The following TRAF3 variants were observed in gnomAD, a reference collection of about 807,000 sequenced individuals.
TRAF3 encodes the protein TNF receptor-associated factor 3.
TRAF3 carries 13 observed loss-of-function variants against 62.3 expected under a neutral mutation model. The observed-to-expected ratio is 0.21, with a 90% CI of 0.14 to 0.33. The LOEUF is 0.33. Ranked by LOEUF, TRAF3 falls within the 10% of genes least tolerant of loss-of-function variation. The pLI is 1.00. For missense variants in TRAF3, 440 were observed against 741.8 expected (o/e 0.59, Z 4.73); for synonymous variants, 269 against 283.4 (o/e 0.95, Z 0.51).
intron 1 of TRAF3, among the ~76,000 whole-genome samples, chr14:102,829,078 G>A (rs549262692): frequency 2.6e-5 from 4 of 152,296 alleles, no homozygotes; most frequent in South Asian, 2.1e-4. Context: ...GCTGCTCTTC[G>A]TTTATCTTAG....
At chr14:102,880,806 C>T (rs1019666644) in intron 6 of TRAF3, among the ~76,000 whole-genome samples, 18 of 152,174 alleles carry the variant, frequency 1.2e-4, no homozygotes, top group African/African-American at 3.6e-4. Flanking sequence ...GGCTGGGCGC[C>T]GTGGCTTACG....
intron 8 of TRAF3, 71 bp from the exon 9 acceptor site, chr14:102,891,254 C>A: frequency 1.4e-6 from 2 of 1,384,718 alleles, no homozygotes; most frequent in South Asian, 1.2e-5. Context: ...CTTTTAGGGT[C>A]GTATGTTAGC....
At chr14:102,902,049 C>T (rs1182745418) in intron 10 of TRAF3, among the ~76,000 whole-genome samples, 2 of 152,268 alleles carry the variant, frequency 1.3e-5, no homozygotes, top group African/African-American at 2.4e-5. Context: ...AGCCCCTTAA[C>T]ACAGACTGGG....
intron 4 of TRAF3, among the ~76,000 whole-genome samples, chr14:102,872,664 T>G (rs1330146526): frequency 6.6e-6 from 1 of 151,366 alleles, no homozygotes; most frequent in African/African-American, 2.4e-5. Flanking sequence ...AACAATTCTT[T>G]TCTTTTCTTT....
rs898044642 is a variant in TRAF3, at chr14:102,831,236, A to C, written c.-18+764A>C. Among the ~76,000 whole-genome samples, 3 of 152,226 alleles carry C rather than the reference A, an allele frequency of 2.0e-5. No individual in the cohort carries two copies. In the East Asian group the frequency reaches 5.8e-4, roughly 29 times the overall value. On this transcript the variant is annotated intron_variant, in intron 2 of 11. Coordinates refer to ENST00000392745, the MANE Select transcript of TRAF3 (RefSeq NM_145725.3). Reference sequence around the variant, plus strand: ...CTGAGTTAGGTCCTTAAAAGGGTGCAGTTTTTGCCTGGATGTTCTTTTTGG... The same window carrying C: ...CTGAGTTAGGTCCTTAAAAGGGTGCCGTTTTTGCCTGGATGTTCTTTTTGG...
chr14:102,816,244 G>A (rs146846277), intron 1 of TRAF3, among the ~76,000 whole-genome samples: 1 of 151,830 alleles, frequency 6.6e-6, no homozygotes, highest in Non-Finnish European at 1.5e-5. Flanking sequence ...CTGGGACTAC[G>A]AGCACATGCC....
chr14:102,878,964 G>A (rs1393523384), intron 6 of TRAF3, among the ~76,000 whole-genome samples: 3 of 152,050 alleles, frequency 2.0e-5, no homozygotes, highest in African/African-American at 4.8e-5. Context: ...TGAGGTAAAG[G>A]TGACTCCCAG....
At chr14:102,866,320 C>T (rs1053128515) in intron 2 of TRAF3, among the ~76,000 whole-genome samples, 6 of 152,032 alleles carry the variant, frequency 3.9e-5, no homozygotes, top group African/African-American at 9.7e-5. Context: ...ATGTAGATGA[C>T]GGGTTGATGG....
At chr14:102,885,138 C>T (rs993727140) in intron 6 of TRAF3, among the ~76,000 whole-genome samples, 7 of 152,216 alleles carry the variant, frequency 4.6e-5, no homozygotes, top group African/African-American at 1.7e-4. Context: ...AGAGTTGGGC[C>T]TTAGAAACAT....
Position 102,897,420 on chromosome 14 carries a change from C to T in TRAF3, c.960+19C>T, listed in dbSNP as rs773647944. ...TTTACAGGTAAGAATCTTAGGACTA[C>T]GGCCAGATCAAAGGGTGGAGGAGCT... On this transcript the variant is annotated intron_variant, in intron 10 of 11. Coordinates refer to ENST00000392745, the MANE Select transcript of TRAF3 (RefSeq NM_145725.3). The T allele has an allele frequency of 1.0e-4, 161 of 1,612,218 alleles. No individual in the cohort carries two copies. Among genetic ancestry groups the T allele is most frequent in the Non-Finnish European group, 1.3e-4 (150 of 1,179,074 alleles).
rs777091143 is a variant in TRAF3, at chr14:102,886,287, C to A, written c.651+18C>A. ...GGAGCGAGGTAGGGGCGGCCGGGCC[C>A]GGCCGGGAGTCTGTGGAGTCCTCAG... On this transcript the variant is annotated intron_variant, in intron 7 of 11. Coordinates refer to ENST00000392745, the MANE Select transcript of TRAF3 (RefSeq NM_145725.3). The A allele has an allele frequency of 1.3e-6, 2 of 1,594,774 alleles. No individual in the cohort carries two copies. Among genetic ancestry groups the A allele is most frequent in the South Asian group, 1.1e-5 (1 of 90,144 alleles).
intron 2 of TRAF3, among the ~76,000 whole-genome samples, chr14:102,839,901 G>A (rs147579538): frequency 1.2e-4 from 18 of 152,226 alleles, no homozygotes; most frequent in Admixed American, 1.1e-3. Flanking sequence ...GTTTCACATC[G>A]AAGTAATCTC....
At chr14:102,847,351 T>G (rs1429507500) in intron 2 of TRAF3, among the ~76,000 whole-genome samples, 1 of 152,118 alleles carries the variant, frequency 6.6e-6, no homozygotes, top group African/African-American at 2.4e-5. Flanking sequence ...ATTCTTGTAT[T>G]TTTGGTAGAG....
chr14:102,884,873 A>G (rs1044067440), intron 6 of TRAF3, among the ~76,000 whole-genome samples: 2 of 152,122 alleles, frequency 1.3e-5, no homozygotes, highest in African/African-American at 4.8e-5. Context: ...AAAGAATTGC[A>G]GGTCCCACTC....
chr14:102,820,634 TTTTTTTTTTTTG>T (rs1292355531), intron 1 of TRAF3, among the ~76,000 whole-genome samples: 5 of 89,734 alleles, frequency 5.6e-5, no homozygotes, highest in African/African-American at 2.5e-4. Context: ...TTTTTTTTTT[TTTTTTTTTTTTG>T]ACAGGTTCTT....
chr14:102,869,503 A>C (rs553712109), intron 2 of TRAF3, among the ~76,000 whole-genome samples: 2 of 152,156 alleles, frequency 1.3e-5, no homozygotes, highest in Non-Finnish European at 2.9e-5. Flanking sequence ...AAAATACTGT[A>C]TTATTAACTT....
At chr14:102,876,187 A>G (rs1888636604) in intron 5 of TRAF3, among the ~76,000 whole-genome samples, 171 bp from the exon 6 acceptor site, 1 of 152,258 alleles carries the variant, frequency 6.6e-6, no homozygotes, top group Non-Finnish European at 1.5e-5. Context: ...ATGAAATAGA[A>G]TATGAAATTC....
At chr14:102,846,455 T>C (rs1211201088) in intron 2 of TRAF3, among the ~76,000 whole-genome samples, 4 of 151,984 alleles carry the variant, frequency 2.6e-5, no homozygotes, top group Non-Finnish European at 4.4e-5. Context: ...TAAGTTATGT[T>C]TGGTAGGGCT....
intron 8 of TRAF3, among the ~76,000 whole-genome samples, chr14:102,891,075 TA>T (rs1461702416): frequency 6.6e-6 from 1 of 152,230 alleles, no homozygotes; most frequent in South Asian, 2.1e-4. Flanking sequence ...GATGCGGAGA[TA>T]ACCCTGAGAT....
Sources: gnomAD v4.1 joint callset for allele counts (sites outside exome capture counted in the v4.1 genomes callset) on GRCh38, gnomAD v4.1.1 for gene constraint, MANE v1.5 for transcripts, NCBI Gene and HGNC (gene_info 2026-07-23, HGNC 2026-07-21) for gene names.